The following C14orf93 variants were observed in gnomAD, a reference collection of about 807,000 sequenced individuals.
The protein encoded by C14orf93 is chromosome 14 open reading frame 93, also known as uncharacterized protein C14orf93.
A neutral mutation model predicts 44.0 loss-of-function variants in C14orf93; 23 were observed. The ratio of observed to expected loss-of-function variants is 0.52; its 90% CI spans 0.38 to 0.74. The LOEUF is 0.74. Among genes scored for constraint, C14orf93 ranks in the 30% least tolerant of loss-of-function variants. The probability of loss-of-function intolerance (pLI) is 0.00; values close to 1 mark genes in which losing one functional copy is unlikely to be tolerated. For synonymous variants in C14orf93, 253 were observed against 265.7 expected, an observed-to-expected ratio of 0.95 and a Z score of 0.46; for missense variants, 579 against 678.9, an observed-to-expected ratio of 0.85 and a Z score of 1.64.
rs866376987 is a variant in C14orf93, at chr14:22,987,585, T to C, written c.1247A>G (p.Gln416Arg). Reference sequence around the variant, plus strand: ...CTCTGTCACATCATTCCACAGACGTTGGTCCTCAGGTCCAAAATGCCTCAT... The same window carrying C: ...CTCTGTCACATCATTCCACAGACGTCGGTCCTCAGGTCCAAAATGCCTCAT... ...SIMRHFGPED[Q>R]RLWNDVTEEL... The change falls in exon 7 of 7, where the codon CAA becomes CGA. Residue 416 changes from glutamine to arginine, a missense_variant. Coordinates refer to ENST00000299088, the MANE Select transcript of C14orf93 (RefSeq NM_021944.4). This position sits in a 1 kb window ranked among gnomAD's most constrained non-coding sequence, Gnocchi z 5.6. 1 of 1,612,534 alleles carries C rather than the reference T, an allele frequency of 6.2e-7. No individual in the cohort carries two copies. Among genetic ancestry groups the C allele is most frequent in the Non-Finnish European group, 8.5e-7 (1 of 1,179,110 alleles).
At chr14:23,004,902 G>A (rs2046551200) in intron 1 of C14orf93, among the ~76,000 whole-genome samples, 1 of 152,154 alleles carries the variant, frequency 6.6e-6, no homozygotes, top group Admixed American at 6.6e-5. Flanking sequence ...TGGGCAACAA[G>A]AGTGAAACTC....
intron 1 of C14orf93, among the ~76,000 whole-genome samples, chr14:23,004,359 C>T (rs931215909): frequency 1.3e-5 from 2 of 151,650 alleles, no homozygotes; most frequent in African/African-American, 4.8e-5. Context: ...TACAGGTATG[C>T]ACCACCACAC....
chr14:22,992,542 A>G (rs2139502297), intron 3 of C14orf93, among the ~76,000 whole-genome samples: 2 of 150,238 alleles, frequency 1.3e-5, no homozygotes, highest in South Asian at 4.2e-4. Flanking sequence ...CCATAATAGC[A>G]CCTAAAATAT....
At chr14:23,001,373 C>G (rs1015678414) in intron 1 of C14orf93, among the ~76,000 whole-genome samples, 3 of 152,254 alleles carry the variant, frequency 2.0e-5, no homozygotes, top group Non-Finnish European at 4.4e-5. Flanking sequence ...TGGTACCAAA[C>G]TCTCTTGCCT....
At position 22,999,204 on chromosome 14, in the gene C14orf93, C is replaced by T. The variant is rs569196505; in HGVS notation, c.-181G>A. On this transcript the variant is annotated 5_prime_UTR_variant, in exon 2 of 7. Transcript: ENST00000299088. Reference sequence around the variant, plus strand: ...CCATGAAGAAGCACACAGTCCATGGCGGCCTCTCCTCGGCCTGCAGAAGGG... The same window carrying T: ...CCATGAAGAAGCACACAGTCCATGGTGGCCTCTCCTCGGCCTGCAGAAGGG... 7 of 955,518 alleles carry T rather than the reference C, an allele frequency of 7.3e-6. No homozygotes were observed. Among genetic ancestry groups the T allele is most frequent in the East Asian group, 2.7e-5 (1 of 36,860 alleles). The allele number at this position is 955,518 out of a possible 1,614,324, so 59.2% of individuals were successfully genotyped here.
Position 23,004,573 on chromosome 14 carries a change from T to G in C14orf93, c.-379-5171A>C, listed in dbSNP as rs568403022. On this transcript the variant is annotated intron_variant, in intron 1 of 6. Coordinates refer to ENST00000299088, the MANE Select transcript of C14orf93 (RefSeq NM_021944.4). ...ACCTATAAGGCACTTAAAGTGTATT[T>G]CAGATGGGAATGTCTAAAGAATATG... Among the ~76,000 whole-genome samples the G allele has an allele frequency of 3.4e-4, 52 of 152,302 alleles. 1 individual carries two copies. The South Asian group carries it at 0.01, about 30-fold the overall frequency.
At chr14:23,004,811 G>A (rs1232050000) in intron 1 of C14orf93, among the ~76,000 whole-genome samples, 2 of 152,004 alleles carry the variant, frequency 1.3e-5, no homozygotes, top group Non-Finnish European at 2.9e-5. Flanking sequence ...CCAGCTACTC[G>A]GGAGGCTGAG....
chr14:23,000,173 T>A (rs887034403), intron 1 of C14orf93: 1 of 152,118 alleles, frequency 6.6e-6, no homozygotes, highest in East Asian at 1.9e-4. Context: ...TAAACCAAAC[T>A]GCCTTTCTTT....
intron 3 of C14orf93, among the ~76,000 whole-genome samples, chr14:22,990,594 C>G (rs1232073728): frequency 6.7e-6 from 1 of 150,194 alleles, no homozygotes; most frequent in East Asian, 2.0e-4. Context: ...CTCAGCCTCT[C>G]GAGTAGCTCA....
At chr14:22,988,764 C>T (rs1029208011) in intron 5 of C14orf93, among the ~76,000 whole-genome samples, 1 of 152,144 alleles carries the variant, frequency 6.6e-6, no homozygotes, top group Non-Finnish European at 1.5e-5. Flanking sequence ...GCTTCTGTGT[C>T]TCCCCGCTCC....
intron 5 of C14orf93, among the ~76,000 whole-genome samples, chr14:22,989,534 C>T (rs544936099): frequency 2.3e-4 from 35 of 152,296 alleles, no homozygotes; most frequent in African/African-American, 7.9e-4. Flanking sequence ...CTCTCATTTT[C>T]GTTTCAGACT....
At chr14:23,008,517 A>ATT (rs900427156) in intron 1 of C14orf93, among the ~76,000 whole-genome samples, 8 of 147,948 alleles carry the variant, frequency 5.4e-5, no homozygotes, top group African/African-American at 2.0e-4. Flanking sequence ...TCTACAGTAG[A>ATT]TTTTTTTTTT....
chr14:23,003,857 CATATATATATATATATATAT>C lies in C14orf93; in HGVS notation c.-379-4475_-379-4456del, dbSNP rs1176882717. Among the ~76,000 whole-genome samples the C allele has an allele frequency of 2.2e-3, 41 of 19,032 alleles. 1 individual carries two copies. Among genetic ancestry groups the C allele is most frequent in the South Asian group, 4.6e-3 (1 of 216 alleles). The allele number at this position is 19,032 out of a possible 152,430, so 12.5% of individuals were successfully genotyped here. On this transcript the variant is annotated intron_variant, in intron 1 of 6. Coordinates refer to ENST00000299088, the MANE Select transcript of C14orf93 (RefSeq NM_021944.4). ...TGAGATATTTTTAGGCTAATATATT[CATATATATATATATATATAT>C]ATATATATATATATATATATATTTT... is the stretch of plus-strand genomic sequence containing the variant.
Position 22,996,457 on chromosome 14 carries a change from A to G in C14orf93, c.598-189T>C, listed in dbSNP as rs764733338. Among the ~76,000 whole-genome samples the G allele has an allele frequency of 3.5e-4, 54 of 152,184 alleles. No individual in the cohort carries two copies. Among genetic ancestry groups the G allele is most frequent in the Non-Finnish European group, 6.9e-4 (47 of 68,022 alleles). On this transcript the variant is annotated intron_variant, in intron 2 of 6. Transcript: ENST00000299088. This position sits in a 1 kb window ranked among gnomAD's most constrained non-coding sequence, Gnocchi z 4.1. ...TTGGGCAAATATTTCTTGTGTGTAC[A>G]GGGCCTCTCATGTTGGGTTGTTACC...
intron 3 of C14orf93, among the ~76,000 whole-genome samples, chr14:22,991,334 C>G (rs1475770368): frequency 1.3e-5 from 2 of 151,614 alleles, no homozygotes; most frequent in Non-Finnish European, 2.9e-5. Context: ...TCCTCCGCCT[C>G]CCGGGTTCAA....
chr14:23,001,266 T>C (rs768419710), intron 1 of C14orf93, among the ~76,000 whole-genome samples: 16 of 152,220 alleles, frequency 1.1e-4, no homozygotes, highest in Middle Eastern at 3.2e-3. Context: ...TAATAAATAA[T>C]AGTATTCAAA....
Position 22,999,068 on chromosome 14 carries a change from C to T in C14orf93, c.-45G>A. 6.4e-7 allele frequency: 1 copy of T among 1,550,650 alleles called. No homozygotes were observed. Among genetic ancestry groups the T allele is most frequent in the Non-Finnish European group, 8.7e-7 (1 of 1,151,628 alleles). ...ACCACGCTTACACTGCTGGGCCGCT[C>T]CAACAGGTAGGAAGCATCAACTTCT... On this transcript the variant is annotated 5_prime_UTR_variant, in exon 2 of 7. It introduces an in-frame stop codon into an upstream open reading frame of the 5' UTR. Transcript: ENST00000299088.
At chr14:22,988,278 C>A (rs1383931285) in intron 5 of C14orf93, among the ~76,000 whole-genome samples, 1 of 151,972 alleles carries the variant, frequency 6.6e-6, no homozygotes, top group Non-Finnish European at 1.5e-5. Context: ...GGATTACAGG[C>A]ATGTGCCACC....
At position 22,999,280 on chromosome 14, in the gene C14orf93, A is replaced by C; in HGVS notation, c.-257T>G. 1.0e-5 allele frequency: 4 copies of C among 395,344 alleles called. No homozygotes were observed. Among genetic ancestry groups the C allele is most frequent in the Non-Finnish European group, 1.8e-5 (4 of 221,416 alleles). The allele number at this position is 395,344 out of a possible 1,614,324, so 24.5% of individuals were successfully genotyped here. ...CCTGTGCTCTCCTAGCACATCACAA[A>C]TCAAGGCCTTCCTGATGAACGGTTT... On this transcript the variant is annotated 5_prime_UTR_variant, in exon 2 of 7. Transcript: ENST00000299088.
Sources: allele counts gnomAD v4.1 joint callset (sites outside exome capture counted in the v4.1 genomes callset), GRCh38; gene constraint gnomAD v4.1.1; non-coding constraint Gnocchi (gnomAD v3.1); transcripts MANE v1.5; gene names NCBI Gene and HGNC (gene_info 2026-07-23, HGNC 2026-07-21).